SLC35D4: variants seen among roughly 807,000 people sequenced by gnomAD.
SLC35D4 encodes the protein solute carrier family 35 member D4.
At chr18:23,267,192 G>A in the SLC35D4 span, among the ~76,000 whole-genome samples, 2 of 152,170 alleles carry the variant, frequency 1.3e-5, no homozygotes, top group East Asian at 1.9e-4. Context: ...TGTGAGACGC[G>A]ATGTGGCCTC....
the SLC35D4 span, chr18:23,253,633 G>T: frequency 1.7e-5 from 18 of 1,032,210 alleles, no homozygotes; most frequent in East Asian, 2.1e-4. Context: ...CTCTGGGAAA[G>T]AGAAAGAGAA....
the SLC35D4 span, among the ~76,000 whole-genome samples, chr18:23,268,231 C>T: frequency 6.6e-6 from 1 of 152,032 alleles, no homozygotes; most frequent in Non-Finnish European, 1.5e-5. Context: ...ACAAACATTC[C>T]CAAATTGAAA....
chr18:23,385,348 A>G, the SLC35D4 span, among the ~76,000 whole-genome samples: 1 of 152,242 alleles, frequency 6.6e-6, no homozygotes, highest in Non-Finnish European at 1.5e-5. Flanking sequence ...ATCCCATGAC[A>G]AGGTAAACAT....
At chr18:23,301,949 G>T in the SLC35D4 span, among the ~76,000 whole-genome samples, 1 of 152,220 alleles carries the variant, frequency 6.6e-6, no homozygotes, top group Admixed American at 6.5e-5. Context: ...TTGGCTGGAT[G>T]ACAGCAGTTG....
chr18:23,305,134 C>A, the SLC35D4 span, among the ~76,000 whole-genome samples: 1 of 152,192 alleles, frequency 6.6e-6, no homozygotes, highest in Admixed American at 6.5e-5. Flanking sequence ...AAACCTATGA[C>A]AATGAGATTT....
chr18:23,295,176 G>A, the SLC35D4 span, among the ~76,000 whole-genome samples: 2 of 151,246 alleles, frequency 1.3e-5, no homozygotes, highest in African/African-American at 2.4e-5. Flanking sequence ...AGTTGAACAC[G>A]GACACAGAGA....
the SLC35D4 span, among the ~76,000 whole-genome samples, chr18:23,358,033 C>A: frequency 6.6e-6 from 1 of 152,152 alleles, no homozygotes; most frequent in Non-Finnish European, 1.5e-5. Flanking sequence ...AAGTCCCTTT[C>A]CCCATAGAAG....
the SLC35D4 span, among the ~76,000 whole-genome samples, chr18:23,266,583 T>A: frequency 6.6e-6 from 1 of 152,202 alleles, no homozygotes; most frequent in East Asian, 1.9e-4. Flanking sequence ...GGACCGGTGA[T>A]GTCCTTGAAG....
the SLC35D4 span, among the ~76,000 whole-genome samples, chr18:23,335,247 A>G: frequency 6.6e-6 from 1 of 152,228 alleles, no homozygotes; most frequent in African/African-American, 2.4e-5. Context: ...TACCAAGTAA[A>G]TATCTGCTAA....
chr18:23,273,875 AT>A, the SLC35D4 span, among the ~76,000 whole-genome samples: 4 of 152,024 alleles, frequency 2.6e-5, no homozygotes, highest in Non-Finnish European at 5.9e-5. Context: ...CATTACTATA[AT>A]TTTTTTCCAT....
the SLC35D4 span, among the ~76,000 whole-genome samples, chr18:23,276,624 C>A: frequency 6.6e-6 from 1 of 152,092 alleles, no homozygotes; most frequent in Non-Finnish European, 1.5e-5. Flanking sequence ...CTCAGTCCCA[C>A]CCATATGCAC....
chr18:23,415,941 C>T, the SLC35D4 span, among the ~76,000 whole-genome samples: 1 of 152,172 alleles, frequency 6.6e-6, no homozygotes, highest in Non-Finnish European at 1.5e-5. Context: ...GGCATGGTGG[C>T]TCATGCCTGT....
chr18:23,297,792 G>C, the SLC35D4 span: 1 of 540,398 alleles, frequency 1.9e-6, no homozygotes, highest in South Asian at 2.0e-5. Context: ...CAGACCCCCA[G>C]AAAGGGTGCT....
At chr18:23,267,065 G>A in the SLC35D4 span, among the ~76,000 whole-genome samples, 1 of 152,340 alleles carries the variant, frequency 6.6e-6, no homozygotes, top group African/African-American at 2.4e-5. Context: ...CATCTGCATG[G>A]GGCCTGACCC....
chr18:23,376,189 A>G, the SLC35D4 span, among the ~76,000 whole-genome samples: 3 of 152,268 alleles, frequency 2.0e-5, no homozygotes, highest in African/African-American at 7.2e-5. Flanking sequence ...CATAGAGACT[A>G]CATGTTTTTA....
chr18:23,401,506 T>C, the SLC35D4 span, among the ~76,000 whole-genome samples: 1 of 152,192 alleles, frequency 6.6e-6, no homozygotes, highest in Admixed American at 6.5e-5. Flanking sequence ...AGGGGTGACA[T>C]CAGTCAATTG....
chr18:23,286,850 G>A, the SLC35D4 span, among the ~76,000 whole-genome samples: 4 of 152,014 alleles, frequency 2.6e-5, no homozygotes, highest in Non-Finnish European at 4.4e-5. Flanking sequence ...CTGCTTCCCT[G>A]ACTATTCCTG....
the SLC35D4 span, among the ~76,000 whole-genome samples, chr18:23,391,163 C>A: frequency 6.7e-6 from 1 of 149,886 alleles, no homozygotes; most frequent in Non-Finnish European, 1.5e-5. Flanking sequence ...GCAGAGCCTG[C>A]AGTGAGCCAA....
the SLC35D4 span, among the ~76,000 whole-genome samples, chr18:23,349,180 C>T: frequency 1.3e-5 from 2 of 152,334 alleles, no homozygotes; most frequent in Non-Finnish European, 1.5e-5. Flanking sequence ...ACTGAACTTA[C>T]TGAATCTGTA....
Sources: gnomAD v4.1 joint callset for allele counts (sites outside exome capture counted in the v4.1 genomes callset) on GRCh38, gnomAD v4.1.1 for gene constraint, MANE v1.5 for transcripts, NCBI Gene and HGNC (gene_info 2026-07-23, HGNC 2026-07-21) for gene names.